Variants in REV3L observed in about 807,000 individuals in gnomAD.
The protein encoded by REV3L is DNA polymerase zeta catalytic subunit.
In REV3L, 69 loss-of-function variants were observed where a neutral mutation model predicts 299.4. The ratio of observed to expected loss-of-function variants is 0.23; its 90% CI spans 0.19 to 0.28. The LOEUF (loss-of-function observed/expected upper bound fraction) is 0.28, where lower values mean the gene tolerates loss of function less well. Ranked by LOEUF, REV3L falls within the 10% of genes least tolerant of loss-of-function variation. The probability of loss-of-function intolerance (pLI) is 1.00; values close to 1 mark genes in which losing one functional copy is unlikely to be tolerated. For synonymous variants in REV3L, 1,238 were observed against 1,271.4 expected, an observed-to-expected ratio of 0.97 and a Z score of 0.56; for missense variants, 3,128 against 3,693.8, an observed-to-expected ratio of 0.85 and a Z score of 3.97.
chr6:111,372,341 GT>G (rs377062617), intron 13 of REV3L, among the ~76,000 whole-genome samples: 13 of 152,282 alleles, frequency 8.5e-5, no homozygotes, highest in African/African-American at 3.1e-4. Flanking sequence ...AAGACATAGT[GT>G]TAAATAATGG....
At chr6:111,306,293 T>A (rs527795339) in intron 31 of REV3L, among the ~76,000 whole-genome samples, 1 of 151,986 alleles carries the variant, frequency 6.6e-6, no homozygotes, top group East Asian at 1.9e-4. Context: ...AGGAGCAGGG[T>A]GTTTAAAGGC....
intron 30 of REV3L, chr6:111,309,168 A>G (rs1400774143): frequency 6.6e-6 from 1 of 152,320 alleles, no homozygotes; most frequent in Non-Finnish European, 1.5e-5. Flanking sequence ...AACCAGCTCA[A>G]TTAGACCCTC....
chr6:111,476,332 T>G (rs566369784), intron 1 of REV3L, among the ~76,000 whole-genome samples: 3 of 152,150 alleles, frequency 2.0e-5, no homozygotes, highest in African/African-American at 7.2e-5. Context: ...ACTTTTGTAT[T>G]TTTTTGTAGA....
intron 25 of REV3L, among the ~76,000 whole-genome samples, chr6:111,326,199 C>G (rs945734846): frequency 1.3e-5 from 2 of 151,996 alleles, no homozygotes. Context: ...AAGAGACAAC[C>G]CATAGAATGG....
At chr6:111,446,614 T>G (rs954559438) in intron 1 of REV3L, among the ~76,000 whole-genome samples, 1 of 152,020 alleles carries the variant, frequency 6.6e-6, no homozygotes, top group Non-Finnish European at 1.5e-5. Context: ...AACAGGAGAA[T>G]TGCTTGAACC....
At chr6:111,335,414 A>C in intron 22 of REV3L, 55 bp downstream of exon 22, 1 of 1,545,832 alleles carries the variant, frequency 6.5e-7, no homozygotes, top group Non-Finnish European at 8.7e-7. Context: ...CAAACATCAC[A>C]AAAGTGTATC....
rs1200784850 is a variant in REV3L, at chr6:111,390,030, G to A, written c.757+56C>T. On this transcript the variant is annotated intron_variant, in intron 6 of 31. Transcript: ENST00000368802. ...ATTACAGGCGTGAGCCACCACACCC[G>A]CCGGTCATTAATTTTAAAAAATAAA... 6.0e-6 allele frequency: 7 copies of A among 1,164,316 alleles called. No individual in the cohort carries two copies. In the African/African-American group the frequency reaches 1.3e-4, roughly 21 times the overall value. The allele number at this position is 1,164,316 out of a possible 1,614,324, so 72.1% of individuals were successfully genotyped here. A position where few individuals can be genotyped will look rare whatever the true frequency, so the allele number is the denominator to read the frequency against.
intron 1 of REV3L, among the ~76,000 whole-genome samples, chr6:111,481,173 C>A (rs1477735258): frequency 6.6e-6 from 1 of 152,164 alleles, no homozygotes; most frequent in Non-Finnish European, 1.5e-5. Flanking sequence ...ACAGTATATC[C>A]TATTAGCATG....
At chr6:111,315,225 T>C (rs768410134) in intron 27 of REV3L, 42 bp downstream of exon 27, 2 of 1,433,874 alleles carry the variant, frequency 1.4e-6, no homozygotes, top group Admixed American at 3.5e-5. Context: ...CTAGAAGGTA[T>C]ATGAATTTTA....
chr6:111,328,203 T>A (rs1775036507), intron 25 of REV3L, among the ~76,000 whole-genome samples: 1 of 152,240 alleles, frequency 6.6e-6, no homozygotes, highest in African/African-American at 2.4e-5. Flanking sequence ...GTGCTTTATA[T>A]CTACTGGTAT....
chr6:111,321,531 A>G (rs955684890), intron 26 of REV3L, among the ~76,000 whole-genome samples: 1 of 152,230 alleles, frequency 6.6e-6, no homozygotes, highest in Non-Finnish European at 1.5e-5. Flanking sequence ...AGCCAAACTA[A>G]GAAGTGGCTT....
intron 1 of REV3L, among the ~76,000 whole-genome samples, chr6:111,420,858 T>A (rs1052141592): frequency 6.6e-6 from 1 of 152,100 alleles, no homozygotes; most frequent in Non-Finnish European, 1.5e-5. Flanking sequence ...CATTAAGTCC[T>A]TGGCTGGGCA....
At chr6:111,330,601 G>A (rs1775280709) in intron 24 of REV3L, among the ~76,000 whole-genome samples, 1 of 152,036 alleles carries the variant, frequency 6.6e-6, no homozygotes, top group Non-Finnish European at 1.5e-5. Flanking sequence ...TTAAAAAAAA[G>A]CTGTTAAAGG....
intron 5 of REV3L, 96 bp downstream of exon 5, chr6:111,392,780 C>A (rs1449906616): frequency 5.3e-6 from 4 of 749,336 alleles, no homozygotes; most frequent in African/African-American, 1.8e-5. Flanking sequence ...AGATCCAATA[C>A]AATAAAAGGT....
intron 1 of REV3L, among the ~76,000 whole-genome samples, chr6:111,434,488 G>A (rs1378588079): frequency 2.0e-5 from 3 of 151,772 alleles, no homozygotes; most frequent in African/African-American, 2.4e-5. Context: ...GCATGCTGGC[G>A]GGCGCCTGTA....
intron 1 of REV3L, chr6:111,460,161 G>A (rs140681280): frequency 2.6e-5 from 4 of 152,052 alleles, no homozygotes; most frequent in African/African-American, 9.6e-5. Flanking sequence ...CAAACTAATG[G>A]AGAAACAGAA....
chr6:111,332,698 CATTA>C (rs1395677365), intron 23 of REV3L, among the ~76,000 whole-genome samples: 16 of 152,254 alleles, frequency 1.1e-4, no homozygotes, highest in Admixed American at 8.5e-4. Context: ...ATTTAATTTA[CATTA>C]ATTAATAAAA....
intron 3 of REV3L, among the ~76,000 whole-genome samples, chr6:111,408,466 T>C (rs1783879552): frequency 6.6e-6 from 1 of 151,946 alleles, no homozygotes; most frequent in Admixed American, 6.6e-5. Context: ...TAGCCAGGCA[T>C]GGTGGTGGGC....
intron 31 of REV3L, among the ~76,000 whole-genome samples, chr6:111,303,701 CTTTTTTTTTTTTTTTTTTT>C (rs58366929): frequency 6.5e-3 from 82 of 12,640 alleles, no homozygotes; most frequent in African/African-American, 0.018. Flanking sequence ...CAGACTATGA[CTTTTTTTTTTTTTTTTTTT>C]TTTTTTTTTT....
Sources: allele counts gnomAD v4.1 joint callset (sites outside exome capture counted in the v4.1 genomes callset), GRCh38; gene constraint gnomAD v4.1.1; transcripts MANE v1.5; gene names NCBI Gene and HGNC (gene_info 2026-07-23, HGNC 2026-07-21).